Variants in CSMD1 observed in about 807,000 individuals in gnomAD.
The protein encoded by CSMD1 is CUB and sushi domain-containing protein 1.
CSMD1 carries 213 observed loss-of-function variants against 417.5 expected under a neutral mutation model. That is an observed-to-expected ratio of 0.51 (90% CI 0.46 to 0.57). The LOEUF (loss-of-function observed/expected upper bound fraction) is 0.57. Among genes scored for constraint, CSMD1 ranks in the 20% least tolerant of loss-of-function variants. The pLI is 0.00. For missense variants in CSMD1, 6,923 were observed against 4,529.7 expected (o/e 1.53, Z -15.17); for synonymous variants, 2,862 against 1,736.8 (o/e 1.65, Z -16.11).
At position 3,245,052 on chromosome 8, in the gene CSMD1, A is replaced by G. The variant is rs535028924; in HGVS notation, c.4154-14821T>C. Among the ~76,000 whole-genome samples the G allele has an allele frequency of 9.2e-5, 14 of 152,362 alleles. No homozygotes were observed. In the South Asian group the frequency reaches 1.9e-3, roughly 20 times the overall value. The stretch of plus-strand genomic sequence containing the variant: ...GACAGGAGGGTATTTTAGAAGGTCA[A>G]CTGTGGAGGAAAGGGGACGTGTTAG... On this transcript the variant is annotated intron_variant, in intron 26 of 69. Coordinates refer to ENST00000635120, the MANE Select transcript of CSMD1 (RefSeq NM_033225.6).
intron 5 of CSMD1, among the ~76,000 whole-genome samples, chr8:3,924,172 G>A (rs771970691): frequency 4.6e-5 from 7 of 152,062 alleles, no homozygotes; most frequent in Non-Finnish European, 8.8e-5. Context: ...AGCATTCTTC[G>A]TTGGCAGCTC....
At chr8:3,473,040 C>A (rs1305640295) in intron 11 of CSMD1, among the ~76,000 whole-genome samples, 1 of 152,094 alleles carries the variant, frequency 6.6e-6, no homozygotes, top group Non-Finnish European at 1.5e-5. Context: ...TTCATCTCCC[C>A]TAGACATTCG....
chr8:3,311,528 G>A (rs1584978492), intron 23 of CSMD1, among the ~76,000 whole-genome samples: 2 of 151,622 alleles, frequency 1.3e-5, no homozygotes, highest in South Asian at 4.1e-4. Context: ...GGAATTATAA[G>A]CATGAGTCTA....
chr8:4,800,743 C>A (rs1471109457), intron 1 of CSMD1, among the ~76,000 whole-genome samples: 1 of 152,158 alleles, frequency 6.6e-6, no homozygotes, highest in Non-Finnish European at 1.5e-5. Flanking sequence ...GGCCTCTGGC[C>A]ACTTTGGTGG....
chr8:4,249,682 G>A (rs1294401020), intron 3 of CSMD1, among the ~76,000 whole-genome samples: 6 of 152,120 alleles, frequency 3.9e-5, no homozygotes, highest in East Asian at 3.9e-4. Context: ...TTCTCCTACC[G>A]CTGTTGTAGC....
rs146504119 is a variant in CSMD1 at position 4,458,468 on chromosome 8, T to C, written c.303-38403A>G. Among the ~76,000 whole-genome samples the C allele has an allele frequency of 4.0e-3, 602 of 152,322 alleles. 5 individuals are homozygous for C. The highest frequency in any genetic ancestry group is 3.2e-3 in the Non-Finnish European group (221 of 68,036). On this transcript the variant is annotated intron_variant, in intron 2 of 69. Transcript: ENST00000635120. ...GTCTGAAGTTAAAGTTATGTGTAAC[T>C]ACTATTGCTAAGCATGCATATTATG...
intron 1 of CSMD1, among the ~76,000 whole-genome samples, chr8:4,854,950 C>T (rs568785967): frequency 3.7e-4 from 56 of 152,178 alleles, no homozygotes; most frequent in Non-Finnish European, 7.5e-4. Flanking sequence ...TAGGCTCCAC[C>T]TCTGGGGGCA....
chr8:3,474,513 A>G (rs1396341979), intron 11 of CSMD1, among the ~76,000 whole-genome samples: 2 of 152,192 alleles, frequency 1.3e-5, no homozygotes, highest in Admixed American at 6.5e-5. Flanking sequence ...GTCTTCATTA[A>G]TCTTTCTTAA....
intron 5 of CSMD1, among the ~76,000 whole-genome samples, chr8:3,802,075 T>G (rs1800487057): frequency 6.6e-6 from 1 of 152,256 alleles, no homozygotes; most frequent in African/African-American, 2.4e-5. Flanking sequence ...GTGGATAAAC[T>G]TAAGGATATG....
intron 37 of CSMD1, among the ~76,000 whole-genome samples, chr8:3,180,543 C>G (rs573962253): frequency 2.6e-5 from 4 of 152,314 alleles, no homozygotes; most frequent in African/African-American, 9.6e-5. Flanking sequence ...TTAATACAAA[C>G]AACCTGAAAT....
intron 3 of CSMD1, among the ~76,000 whole-genome samples, chr8:4,292,622 T>C (rs1240206026): frequency 6.6e-6 from 1 of 152,184 alleles, no homozygotes. Flanking sequence ...AACATGTTGA[T>C]ATTTTCTGTG....
intron 1 of CSMD1, among the ~76,000 whole-genome samples, chr8:4,800,662 C>T (rs997529107): frequency 1.3e-5 from 2 of 152,168 alleles, no homozygotes; most frequent in Admixed American, 6.5e-5. Context: ...TGTGGAGCCT[C>T]AGAGTTGTCC....
At chr8:4,774,290 T>A (rs1796737762) in intron 1 of CSMD1, among the ~76,000 whole-genome samples, 1 of 152,200 alleles carries the variant, frequency 6.6e-6, no homozygotes, top group African/African-American at 2.4e-5. Flanking sequence ...GCAGTTTGAA[T>A]CTTACTTTCC....
intron 1 of CSMD1, among the ~76,000 whole-genome samples, chr8:4,906,284 A>C (rs1563730612): frequency 6.6e-6 from 1 of 152,194 alleles, no homozygotes. Flanking sequence ...TAACAAAACA[A>C]ATACATTATT....
intron 26 of CSMD1, among the ~76,000 whole-genome samples, chr8:3,236,740 A>G (rs190911835): frequency 1.3e-4 from 20 of 152,278 alleles, no homozygotes; most frequent in Admixed American, 1.2e-3. Flanking sequence ...TCTCTTAAAT[A>G]TGTTTTCTGC....
At chr8:4,382,130 G>A (rs768471393) in intron 3 of CSMD1, among the ~76,000 whole-genome samples, 1 of 152,074 alleles carries the variant, frequency 6.6e-6, no homozygotes, top group Non-Finnish European at 1.5e-5. Flanking sequence ...TTCAATAAAG[G>A]ACATCTTTGA....
At chr8:4,746,236 C>G (rs1810942527) in intron 1 of CSMD1, among the ~76,000 whole-genome samples, 1 of 152,052 alleles carries the variant, frequency 6.6e-6, no homozygotes, top group Non-Finnish European at 1.5e-5. Context: ...AACGTATGGC[C>G]AACAAATTCC....
chr8:4,459,824 G>T (rs1217675), intron 2 of CSMD1, among the ~76,000 whole-genome samples: 41,431 of 152,040 alleles, frequency 0.27, 6,432 homozygotes, highest in African/African-American at 0.42. Flanking sequence ...GGTACTTTGT[G>T]TCACTGGGCC....
intron 5 of CSMD1, among the ~76,000 whole-genome samples, chr8:3,970,919 T>A (rs184811685): frequency 2.3e-4 from 35 of 152,100 alleles, no homozygotes; most frequent in African/African-American, 6.8e-4. Context: ...GCTCCGCTAA[T>A]TTTGTATTTT....
Sources: allele counts gnomAD v4.1 joint callset (sites outside exome capture counted in the v4.1 genomes callset), GRCh38; gene constraint gnomAD v4.1.1; transcripts MANE v1.5; gene names NCBI Gene and HGNC (gene_info 2026-07-23, HGNC 2026-07-21).